The following TRAK1 variants were observed in gnomAD, a reference collection of about 807,000 sequenced individuals.
TRAK1 encodes the protein trafficking kinesin protein 1.
Under a neutral mutation model 92.1 loss-of-function variants are expected in TRAK1, and 33 were observed. The ratio of observed to expected loss-of-function variants is 0.36; its 90% CI spans 0.27 to 0.48. The LOEUF (loss-of-function observed/expected upper bound fraction) is 0.48, where lower values mean the gene tolerates loss of function less well. TRAK1 is among the 20% of genes least tolerant of loss of function. The pLI, the probability that TRAK1 is intolerant of heterozygous loss-of-function variation, is 0.99. For missense variants in TRAK1, 1,123 were observed against 1,257.9 expected (o/e 0.89, Z 1.62); for synonymous variants, 521 against 517.3 (o/e 1.01, Z -0.10).
intron 2 of TRAK1, among the ~76,000 whole-genome samples, chr3:42,140,490 G>C (rs1029036352): frequency 6.6e-6 from 1 of 152,150 alleles, no homozygotes; most frequent in Non-Finnish European, 1.5e-5. Context: ...AGCCACGCGT[G>C]GTGGCACATG....
chr3:42,092,284 C>T (rs1450405502), intron 1 of TRAK1, among the ~76,000 whole-genome samples: 5 of 152,156 alleles, frequency 3.3e-5, no homozygotes, highest in Admixed American at 1.3e-4. Flanking sequence ...CCTGTCTACA[C>T]GCTGCTTCCT....
intron 1 of TRAK1, among the ~76,000 whole-genome samples, chr3:42,022,960 G>C (rs909786154): frequency 6.4e-4 from 97 of 151,610 alleles, no homozygotes; most frequent in African/African-American, 2.2e-3. Context: ...AGTTGGAGAC[G>C]ATCCTGGCTA....
intron 1 of TRAK1, among the ~76,000 whole-genome samples, chr3:42,094,482 C>T (rs946492588): frequency 2.0e-5 from 3 of 151,982 alleles, no homozygotes; most frequent in African/African-American, 7.3e-5. Flanking sequence ...GCTCAAGTGA[C>T]TCTCCCACGT....
At chr3:42,154,798 C>T (rs1450243218) in intron 2 of TRAK1, among the ~76,000 whole-genome samples, 4 of 152,136 alleles carry the variant, frequency 2.6e-5, no homozygotes, top group Non-Finnish European at 4.4e-5. Context: ...GCCAACCCTG[C>T]TCTCTAGGAG....
intron 1 of TRAK1, among the ~76,000 whole-genome samples, chr3:42,093,064 T>C (rs1038443588): frequency 6.6e-6 from 1 of 152,164 alleles, no homozygotes; most frequent in African/African-American, 2.4e-5. Context: ...AAATTTATAA[T>C]CTAAATGGGT....
chr3:42,178,269 G>A (rs1703486526), intron 3 of TRAK1, among the ~76,000 whole-genome samples: 2 of 152,074 alleles, frequency 1.3e-5, no homozygotes, highest in Admixed American at 6.6e-5. Flanking sequence ...CCTTGCAGCT[G>A]CCACCGTCCA....
intron 1 of TRAK1, among the ~76,000 whole-genome samples, chr3:42,069,844 G>A (rs1703841199): frequency 6.6e-6 from 1 of 152,028 alleles, no homozygotes; most frequent in South Asian, 2.1e-4. Flanking sequence ...GAAAATAACT[G>A]AAGAAGTGGA....
At chr3:42,204,913 CT>C (rs1354610823) in intron 13 of TRAK1, among the ~76,000 whole-genome samples, 1 of 152,140 alleles carries the variant, frequency 6.6e-6, no homozygotes, top group Non-Finnish European at 1.5e-5. Flanking sequence ...CCAGTATTTT[CT>C]TTTTTCCCTC....
At chr3:42,153,083 G>T (rs982054176) in intron 2 of TRAK1, among the ~76,000 whole-genome samples, 1 of 152,072 alleles carries the variant, frequency 6.6e-6, no homozygotes, top group East Asian at 1.9e-4. Context: ...AGTTATTAAG[G>T]CCTTTAACAA....
intron 2 of TRAK1, among the ~76,000 whole-genome samples, chr3:42,159,722 T>C (rs893475062): frequency 1.3e-5 from 2 of 152,154 alleles, no homozygotes; most frequent in Admixed American, 6.5e-5. Flanking sequence ...GGTCACTGCA[T>C]TTTTTTCCCT....
chr3:42,023,183 AG>A (rs1211164115), intron 1 of TRAK1, among the ~76,000 whole-genome samples: 50 of 152,068 alleles, frequency 3.3e-4, no homozygotes, highest in African/African-American at 1.2e-3. Flanking sequence ...AACAACAAAA[AG>A]AAAATAAATA....
chr3:42,098,313 A>G (rs904573320), intron 1 of TRAK1, among the ~76,000 whole-genome samples: 1 of 152,140 alleles, frequency 6.6e-6, no homozygotes, highest in African/African-American at 2.4e-5. Flanking sequence ...TCTTAAGTAC[A>G]GGCAGCAGGC....
upstream of TRAK1, among the ~76,000 whole-genome samples, chr3:42,084,463 A>G (rs1447490219): frequency 6.6e-6 from 1 of 152,234 alleles, no homozygotes; most frequent in Non-Finnish European, 1.5e-5. Flanking sequence ...TGAATTGTAA[A>G]GAGTACAGCT....
upstream of TRAK1, among the ~76,000 whole-genome samples, chr3:42,013,546 A>C (rs867095124): frequency 1.1e-4 from 11 of 101,788 alleles, no homozygotes; most frequent in Admixed American, 2.1e-4. This position sits in a 1 kb window ranked among gnomAD's most constrained non-coding sequence, Gnocchi z 5.1. Flanking sequence ...GGCGGCCCGC[A>C]GGTGGCGGCG....
chr3:42,110,834 C>T (rs1007007155), intron 1 of TRAK1, among the ~76,000 whole-genome samples: 2 of 152,198 alleles, frequency 1.3e-5, no homozygotes, highest in African/African-American at 4.8e-5. Flanking sequence ...TCGATTTTCC[C>T]AGCGCAGGGC....
At chr3:42,040,234 CAT>C (rs1264249350) in intron 1 of TRAK1, among the ~76,000 whole-genome samples, 2 of 151,988 alleles carry the variant, frequency 1.3e-5, no homozygotes, top group Non-Finnish European at 2.9e-5. Flanking sequence ...CTTTTGGTGT[CAT>C]ATCTAAGAAA....
intron 2 of TRAK1, among the ~76,000 whole-genome samples, chr3:42,175,230 C>T (rs1703045152): frequency 2.0e-5 from 3 of 152,086 alleles, no homozygotes; most frequent in African/African-American, 4.8e-5. Context: ...GATGCTTTGG[C>T]GTGCTGGCTG....
chr3:42,076,638 A>AT (rs1704175765), intron 1 of TRAK1, among the ~76,000 whole-genome samples: 1 of 152,154 alleles, frequency 6.6e-6, no homozygotes, highest in African/African-American at 2.4e-5. Flanking sequence ...GTTTAATTAG[A>AT]TCCCACTTAC....
At chr3:42,042,759 C>G (rs778849535) in intron 1 of TRAK1, among the ~76,000 whole-genome samples, 2 of 152,056 alleles carry the variant, frequency 1.3e-5, no homozygotes, top group African/African-American at 4.8e-5. Flanking sequence ...CCCATGAAAA[C>G]GATTGCTTCA....
Sources: gnomAD v4.1 joint callset for allele counts (sites outside exome capture counted in the v4.1 genomes callset) on GRCh38, gnomAD v4.1.1 for gene constraint, Gnocchi (gnomAD v3.1) non-coding constraint, MANE v1.5 for transcripts, NCBI Gene and HGNC (gene_info 2026-07-23, HGNC 2026-07-21) for gene names.